Variants in RYR3 observed in about 807,000 individuals in gnomAD.
RYR3 encodes ryanodine receptor 3.
A neutral mutation model predicts 584.3 loss-of-function variants in RYR3; 207 were observed. That is an observed-to-expected ratio of 0.35 (90% CI 0.32 to 0.40). The LOEUF (loss-of-function observed/expected upper bound fraction) is 0.40. Among genes scored for constraint, RYR3 ranks in the 10% least tolerant of loss-of-function variants. The pLI, the probability that RYR3 is intolerant of heterozygous loss-of-function variation, is 1.00. For missense variants in RYR3, 5,616 were observed against 6,089.2 expected (o/e 0.92, Z 2.59); for synonymous variants, 2,416 against 2,248.5 (o/e 1.07, Z -2.11).
intron 67 of RYR3, among the ~76,000 whole-genome samples, chr15:33,798,874 T>A (rs1178661895): frequency 5.3e-5 from 8 of 152,182 alleles, no homozygotes; most frequent in Non-Finnish European, 1.2e-4. Flanking sequence ...CAAAGTGATC[T>A]TGGCCTCATG....
intron 9 of RYR3, among the ~76,000 whole-genome samples, chr15:33,548,942 G>A (rs948279460): frequency 1.4e-4 from 21 of 152,138 alleles, no homozygotes; most frequent in Middle Eastern, 3.4e-3. Flanking sequence ...GTCTCCCCCC[G>A]AAAATATGTT....
chr15:33,811,466 A>G (rs1395837703), intron 72 of RYR3, among the ~76,000 whole-genome samples: 2 of 151,778 alleles, frequency 1.3e-5, no homozygotes, highest in Non-Finnish European at 2.9e-5. Flanking sequence ...AGCCGAGATC[A>G]GGCCACTGCA....
At chr15:33,594,899 C>T (rs2059297887) in intron 16 of RYR3, among the ~76,000 whole-genome samples, 2 of 152,170 alleles carry the variant, frequency 1.3e-5, no homozygotes, top group African/African-American at 4.8e-5. Flanking sequence ...ATCAGAATTA[C>T]AGGAGTTTTC....
Position 33,628,559 on chromosome 15 carries a change from G to C in RYR3, c.2663G>C (p.Gly888Ala), listed in dbSNP as rs2061111884. 10 of 1,612,840 alleles carry C rather than the reference G, an allele frequency of 6.2e-6. No homozygotes were observed. The highest frequency in any genetic ancestry group is 8.5e-6 in the Non-Finnish European group (10 of 1,178,900). ...TGGGGAATGAATAAAATAGAACTTG[G>C]CTGGACTTTCGGCAAGGTATGTGTC... Reference protein sequence around the residue: ...ELWGMNKIELGWTFGKIRDDN... With the variant: ...ELWGMNKIELAWTFGKIRDDN... The change falls in exon 21 of 104, where the codon GGC becomes GCC. Residue 888 changes from glycine to alanine, a missense_variant. By Grantham distance (60) the Gly-to-Ala change is moderately conservative (BLOSUM62 0). This residue lies in a region of RYR3 where 1,284 missense variants were observed against 1,344.6 expected (regional missense o/e 0.95). Transcript: ENST00000634891.
intron 62 of RYR3, among the ~76,000 whole-genome samples, chr15:33,771,149 A>G (rs1277151803): frequency 6.6e-6 from 1 of 152,224 alleles, no homozygotes; most frequent in Middle Eastern, 3.2e-3. Flanking sequence ...AAACTAACAG[A>G]AATCTAAGCT....
chr15:33,651,909 G>C (rs577472483), intron 31 of RYR3, among the ~76,000 whole-genome samples: 2 of 152,188 alleles, frequency 1.3e-5, no homozygotes, highest in Non-Finnish European at 2.9e-5. Context: ...TCTTGCCCAC[G>C]GTGGGGGGCT....
chr15:33,840,286 G>A (rs899267157), intron 89 of RYR3, among the ~76,000 whole-genome samples: 7 of 152,324 alleles, frequency 4.6e-5, no homozygotes, highest in African/African-American at 1.2e-4. Flanking sequence ...GGAAGTCTGC[G>A]TGTTTGGGTG....
chr15:33,576,400 A>G (rs1256927800), intron 12 of RYR3, among the ~76,000 whole-genome samples: 3 of 152,224 alleles, frequency 2.0e-5, no homozygotes, highest in Admixed American at 6.5e-5. Context: ...CCAGCAGCAC[A>G]TCAAAAAGCT....
At chr15:33,389,509 G>T (rs138346537) in intron 1 of RYR3, among the ~76,000 whole-genome samples, 1 of 152,148 alleles carries the variant, frequency 6.6e-6, no homozygotes, top group Non-Finnish European at 1.5e-5. Flanking sequence ...TGACTATTTT[G>T]TAACAATGGG....
At chr15:33,817,864 A>C (rs909457131) in intron 75 of RYR3, among the ~76,000 whole-genome samples, 1 of 152,180 alleles carries the variant, frequency 6.6e-6, no homozygotes, top group African/African-American at 2.4e-5. Flanking sequence ...AGTTCTCACC[A>C]ATTTACCAAA....
intron 43 of RYR3, among the ~76,000 whole-genome samples, chr15:33,720,121 T>G (rs1175519274): frequency 6.6e-6 from 1 of 152,208 alleles, no homozygotes; most frequent in Admixed American, 6.5e-5. Flanking sequence ...TCTAATAAAT[T>G]TTTTTCTGGA....
chr15:33,569,014 G>A, intron 12 of RYR3, among the ~76,000 whole-genome samples: 1 of 152,170 alleles, frequency 6.6e-6, no homozygotes, highest in Admixed American at 6.6e-5. Context: ...TTGGTGAAGA[G>A]TATTCTTGTG....
intron 1 of RYR3, among the ~76,000 whole-genome samples, chr15:33,433,988 C>G (rs2045438984): frequency 6.6e-6 from 1 of 152,174 alleles, no homozygotes; most frequent in Admixed American, 6.5e-5. Context: ...TCAAGTGCAA[C>G]AATTTGAACT....
rs757827471 is a variant in RYR3 at position 33,756,309 on chromosome 15, C to G, written c.8519C>G (p.Ala2840Gly). 9.8e-5 allele frequency: 155 copies of G among 1,574,886 alleles called. No homozygotes were observed. Among genetic ancestry groups the G allele is most frequent in the Non-Finnish European group, 1.3e-4 (153 of 1,159,024 alleles). ...TGTGTTACCTGTGTCTTCGTAGAAG[C>G]CATTGTCAGCAGTGGGAAAACTGAA... Reference protein sequence around the residue: ...SAQEFIAHLEAIVSSGKTEKS... With the variant: ...SAQEFIAHLEGIVSSGKTEKS... Residue 2840 changes from alanine to glycine, a missense_variant, in exon 59 of 104, where the codon GCC becomes GGC. By Grantham distance (60) the Ala-to-Gly change is moderately conservative. This residue lies in a region of RYR3 where 1,280 missense variants were observed against 1,426.2 expected (regional missense o/e 0.90). Transcript: ENST00000634891.
intron 3 of RYR3, among the ~76,000 whole-genome samples, chr15:33,521,803 G>A (rs181095525): frequency 1.3e-5 from 2 of 152,246 alleles, no homozygotes; most frequent in Admixed American, 1.3e-4. Context: ...TGGGGTAAGG[G>A]CTGTCCTATT....
intron 1 of RYR3, among the ~76,000 whole-genome samples, chr15:33,415,504 T>TA (rs577779982): frequency 0.013 from 1,903 of 146,338 alleles, 27 homozygotes; most frequent in African/African-American, 0.033. Flanking sequence ...TACTCTTTTT[T>TA]AAAAAAAAAA....
At chr15:33,818,554 A>G in intron 75 of RYR3, 24 bp from the exon 76 acceptor site, 1 of 1,573,494 alleles carries the variant, frequency 6.4e-7, no homozygotes, top group Non-Finnish European at 8.7e-7. Context: ...CATGCCTAAA[A>G]CCTATCTGTG....
At chr15:33,841,000 T>C (rs180891741) in intron 90 of RYR3, 117 bp downstream of exon 90, 10 of 913,904 alleles carry the variant, frequency 1.1e-5, no homozygotes, top group African/African-American at 1.6e-5. Flanking sequence ...GGAGGATCAC[T>C]TGAACCCAGG....
intron 86 of RYR3, 23 bp from the exon 87 acceptor site, chr15:33,834,943 CAT>C (rs2077942680): frequency 4.4e-6 from 7 of 1,594,668 alleles, no homozygotes; most frequent in Non-Finnish European, 6.0e-6. Context: ...GTTTAAGTGA[CAT>C]AAGAATGTCC....
Sources: gnomAD v4.1 joint callset for allele counts (sites outside exome capture counted in the v4.1 genomes callset) on GRCh38, gnomAD v4.1.1 for gene constraint, gnomAD v4.1.1 regional missense constraint, MANE v1.5 for transcripts, NCBI Gene and HGNC (gene_info 2026-07-23, HGNC 2026-07-21) for gene names.